Variants in RBM33 observed in about 807,000 individuals in gnomAD.
RBM33 encodes RNA binding motif protein 33.
Under a neutral mutation model 132.6 loss-of-function variants are expected in RBM33, and 28 were observed. That is an observed-to-expected ratio of 0.21 (90% CI 0.16 to 0.29). RBM33 has a LOEUF of 0.29. RBM33 is among the 10% of genes least tolerant of loss of function. The pLI is 1.00. For missense variants in RBM33, 1,291 were observed against 1,518.5 expected (o/e 0.85, Z 2.49); for synonymous variants, 634 against 593.0 (o/e 1.07, Z -1.01).
At chr7:155,708,307 A>C (rs1347317242) in intron 7 of RBM33, among the ~76,000 whole-genome samples, 1 of 152,234 alleles carries the variant, frequency 6.6e-6, no homozygotes, top group Non-Finnish European at 1.5e-5. Flanking sequence ...CTCTAACAGC[A>C]GAAAGGCTGG....
Position 155,743,388 on chromosome 7 carries a change from A to G in RBM33, c.2337+1282A>G, listed in dbSNP as rs527252849. Among the ~76,000 whole-genome samples the G allele has an allele frequency of 2.7e-4, 41 of 152,374 alleles. No individual in the cohort carries two copies. The South Asian group carries it at 7.9e-3, about 29-fold the overall frequency. On this transcript the variant is annotated intron_variant, in intron 13 of 17. Transcript: ENST00000401878. ...TACCTAATAGGGGAAGTTGCCTTTC[A>G]GGCATCCTGCTGGCACATCTGGCGA...
intron 5 of RBM33, 63 bp from the exon 6 acceptor site, chr7:155,700,710 A>G (rs1799937044): frequency 8.6e-7 from 1 of 1,162,066 alleles, no homozygotes. Context: ...GCATTCTTTA[A>G]TATTTAATTC....
At chr7:155,650,036 T>G (rs1050171666) in intron 1 of RBM33, among the ~76,000 whole-genome samples, 6 of 152,346 alleles carry the variant, frequency 3.9e-5, no homozygotes, top group African/African-American at 1.4e-4. Flanking sequence ...CTCTCATTCC[T>G]TCATATATTT....
chr7:155,697,835 A>G lies in RBM33; in HGVS notation c.568-2938A>G, dbSNP rs562214193. ...TTTAAGTACTTTGATGGTGATTTTC[A>G]TATGCAGTCTGTATTAAGGATTAAA... On this transcript the variant is annotated intron_variant, in intron 5 of 17. Transcript: ENST00000401878. Among the ~76,000 whole-genome samples, 15 of 152,260 alleles carry G rather than the reference A, an allele frequency of 9.9e-5. No homozygotes were observed. In the East Asian group the frequency reaches 2.9e-3, roughly 29 times the overall value.
chr7:155,654,960 T>G (rs1419912301), intron 1 of RBM33, among the ~76,000 whole-genome samples: 1 of 152,228 alleles, frequency 6.6e-6, no homozygotes, highest in Non-Finnish European at 1.5e-5. Context: ...ATGATTGTAA[T>G]ATCTTTGTGC....
At chr7:155,735,617 G>A (rs528389521) in intron 9 of RBM33, among the ~76,000 whole-genome samples, 11 of 152,040 alleles carry the variant, frequency 7.2e-5, no homozygotes, top group Non-Finnish European at 1.3e-4. Flanking sequence ...AGGATCCCTT[G>A]AGCCAAGGAG....
intron 9 of RBM33, among the ~76,000 whole-genome samples, chr7:155,725,456 T>C (rs1800767423): frequency 6.6e-6 from 1 of 152,186 alleles, no homozygotes; most frequent in Admixed American, 6.5e-5. Flanking sequence ...TCTTAGTTTT[T>C]ATGCTGTGCT....
chr7:155,737,305 C>G (rs1801158342), intron 9 of RBM33, among the ~76,000 whole-genome samples: 1 of 147,334 alleles, frequency 6.8e-6, no homozygotes. Context: ...GATGGAATCA[C>G]CTAAGGATGC....
rs1802553883 is a variant in RBM33, at chr7:155,774,925, C to T, written c.3465-68C>T. On this transcript the variant is annotated intron_variant, in intron 17 of 17. Transcript: ENST00000401878. The surrounding 1 kb of genome is among the most constrained non-coding windows in gnomAD (Gnocchi z 4.2). The stretch of plus-strand genomic sequence containing the variant: ...GGACCCACCGGGCTCTTTTAGTTTC[C>T]TCCCACCTTGGTAGGTTGATTGCCG... 3.4e-6 allele frequency: 5 copies of T among 1,477,132 alleles called. No individual in the cohort carries two copies. The Middle Eastern group carries it at 7.4e-4, about 219-fold the overall frequency. The allele number at this position is 1,477,132 out of a possible 1,614,324, so 91.5% of individuals were successfully genotyped here. A position where few individuals can be genotyped will look rare whatever the true frequency, so the allele number is the denominator to read the frequency against.
chr7:155,689,081 G>A lies in RBM33; in HGVS notation c.567+8173G>A, dbSNP rs564364701. 1.4e-4 allele frequency among the ~76,000 whole-genome samples: 22 copies of A among 152,208 alleles called. No homozygotes were observed. In the Middle Eastern group the frequency reaches 0.01, roughly 71 times the overall value. ...CCTCCTTGTACCTCTGGTAGAATTC[G>A]GCTGTGAATCCATCTGGTCCTGGAC... is the stretch of plus-strand genomic sequence containing the variant. On this transcript the variant is annotated intron_variant, in intron 5 of 17. Transcript: ENST00000401878.
intron 5 of RBM33, among the ~76,000 whole-genome samples, chr7:155,682,825 C>T (rs1285305400): frequency 6.6e-6 from 1 of 152,192 alleles, no homozygotes; most frequent in African/African-American, 2.4e-5. Context: ...ATTTCCCTCT[C>T]TGGTATTCCA....
At chr7:155,771,885 G>C (rs1802438086) in intron 16 of RBM33, among the ~76,000 whole-genome samples, 1 of 152,128 alleles carries the variant, frequency 6.6e-6, no homozygotes, top group Non-Finnish European at 1.5e-5. Context: ...GACTAGAGGT[G>C]TACACCACTG....
intron 14 of RBM33, among the ~76,000 whole-genome samples, chr7:155,757,678 T>G (rs1336277425): frequency 6.6e-6 from 1 of 152,144 alleles, no homozygotes; most frequent in Non-Finnish European, 1.5e-5. Context: ...AGGCAGTTCT[T>G]GCACTGCTAT....
At chr7:155,687,922 T>C (rs1034999045) in intron 5 of RBM33, among the ~76,000 whole-genome samples, 3 of 152,200 alleles carry the variant, frequency 2.0e-5, no homozygotes, top group African/African-American at 7.2e-5. Context: ...TGCCTCCAGA[T>C]TTGTTCTTTT....
Position 155,737,630 on chromosome 7 carries a change from C to T in RBM33, c.1361C>T (p.Pro454Leu), listed in dbSNP as rs370487003. 1.2e-4 allele frequency: 189 copies of T among 1,602,660 alleles called. 1 individual carries two copies. Among genetic ancestry groups the T allele is most frequent in the Admixed American group, 2.1e-4 (12 of 57,148 alleles). The stretch of plus-strand genomic sequence containing the variant: ...CAGGACCAGTGGAGAGCCCCACCCC[C>T]GCCTCAGGATCGAGACCCTTTCTTC... Reference protein sequence around the residue: ...PLQDQWRAPPPPQDRDPFFLG... With the variant: ...PLQDQWRAPPLPQDRDPFFLG... The change falls in exon 10 of 18, where the codon CCG (proline) becomes CTG (leucine). Residue 454 changes from proline (P) to leucine (L), a missense_variant. Around this residue, in one of 7 missense-constraint regions of RBM33, gnomAD observed 841 missense variants for 912.0 expected, o/e 0.92. Coordinates refer to ENST00000401878, the MANE Select transcript of RBM33 (RefSeq NM_053043.3).
intron 9 of RBM33, among the ~76,000 whole-genome samples, chr7:155,730,410 G>A (rs1800921820): frequency 6.6e-6 from 1 of 152,254 alleles, no homozygotes; most frequent in Non-Finnish European, 1.5e-5. Context: ...CTGGGCTGCT[G>A]TCTACAAAAA....
rs190996116 is a variant in RBM33 at position 155,698,398 on chromosome 7, C to T, written c.568-2375C>T. Reference sequence around the variant, plus strand: ...AAAAAAAAATTATACAGGAGGTCAACGTTTTGGTAGACAGGTTAGTTTTCT... The same window carrying T: ...AAAAAAAAATTATACAGGAGGTCAATGTTTTGGTAGACAGGTTAGTTTTCT... On this transcript the variant is annotated intron_variant, in intron 5 of 17. Transcript: ENST00000401878. Among the ~76,000 whole-genome samples, 205 of 151,960 alleles carry T rather than the reference C, an allele frequency of 1.3e-3. No homozygotes were observed. The South Asian group carries it at 0.017, about 12-fold the overall frequency.
chr7:155,706,693 G>A lies in RBM33; in HGVS notation c.740-167G>A. 9 of 595,362 alleles carry A rather than the reference G, an allele frequency of 1.5e-5. No individual in the cohort carries two copies. The South Asian group carries it at 1.6e-4, about 11-fold the overall frequency. 36.9% of individuals were successfully genotyped at this position (595,362 alleles called of 1,614,324 possible). Reference sequence around the variant, plus strand: ...ATCAGATCTCACTAGTGGGTTGTGTGTGTTGCTGGTTGTATCGTACTTGCC... The same window carrying A: ...ATCAGATCTCACTAGTGGGTTGTGTATGTTGCTGGTTGTATCGTACTTGCC... On this transcript the variant is annotated intron_variant, in intron 6 of 17. Transcript: ENST00000401878.
intron 1 of RBM33, among the ~76,000 whole-genome samples, chr7:155,649,557 A>C (rs1291204919): frequency 6.6e-6 from 1 of 152,206 alleles, no homozygotes; most frequent in African/African-American, 2.4e-5. Context: ...TGGGACTGAA[A>C]ATTGGACATT....
Sources: allele counts gnomAD v4.1 joint callset (sites outside exome capture counted in the v4.1 genomes callset), GRCh38; gene constraint gnomAD v4.1.1; regional missense constraint gnomAD v4.1.1; non-coding constraint Gnocchi (gnomAD v3.1); transcripts MANE v1.5; gene names NCBI Gene and HGNC (gene_info 2026-07-23, HGNC 2026-07-21).